Variants in JARID2 observed in about 807,000 individuals in gnomAD.
The protein encoded by JARID2 is jumonji and AT-rich interaction domain containing 2.
JARID2 carries 21 observed loss-of-function variants against 125.6 expected under a neutral mutation model. That is an observed-to-expected ratio of 0.17 (90% CI 0.12 to 0.24). The LOEUF is 0.24. Among genes scored for constraint, JARID2 ranks in the 10% least tolerant of loss-of-function variants. JARID2 has a pLI of 1.00. For synonymous variants in JARID2, 736 were observed against 661.6 expected, an observed-to-expected ratio of 1.11 and a Z score of -1.73; for missense variants, 1,303 against 1,639.6, an observed-to-expected ratio of 0.79 and a Z score of 3.55.
chr6:15,352,979 A>G (rs1763482099), intron 1 of JARID2, among the ~76,000 whole-genome samples: 1 of 152,158 alleles, frequency 6.6e-6, no homozygotes, highest in Admixed American at 6.5e-5. Context: ...GGTGGTTTCC[A>G]TGTTATCGTC....
chr6:15,419,642 T>C (rs1766396451), intron 3 of JARID2, among the ~76,000 whole-genome samples: 2 of 152,240 alleles, frequency 1.3e-5, no homozygotes, highest in Non-Finnish European at 2.9e-5. Context: ...TTCTTATAGA[T>C]ATTTTTGCTG....
At chr6:15,272,846 A>G (rs1019771486) in intron 1 of JARID2, among the ~76,000 whole-genome samples, 2 of 152,096 alleles carry the variant, frequency 1.3e-5, no homozygotes, top group Non-Finnish European at 2.9e-5. Flanking sequence ...TATACATTTT[A>G]TTTGTTGTTA....
intron 1 of JARID2, among the ~76,000 whole-genome samples, chr6:15,360,309 C>G (rs1480918066): frequency 6.6e-6 from 1 of 151,964 alleles, no homozygotes; most frequent in Admixed American, 6.5e-5. Flanking sequence ...CTCAGCCTCC[C>G]AAATAGCTGG....
At chr6:15,456,724 A>G (rs1487702111) in intron 4 of JARID2, among the ~76,000 whole-genome samples, 4 of 152,078 alleles carry the variant, frequency 2.6e-5, no homozygotes, top group Non-Finnish European at 4.4e-5. Flanking sequence ...CATCTTTTCT[A>G]TCTAGGATAT....
chr6:15,248,446 G>GGCGGGGGCGGGGGCGGGA (rs1417983526), intron 1 of JARID2: 1 of 139,034 alleles, frequency 7.2e-6, no homozygotes, highest in African/African-American at 2.6e-5. Context: ...TGGGAGCGGG[G>GGCGGGGGCGGGGGCGGGA]GCGGGGGCGT....
intron 1 of JARID2, among the ~76,000 whole-genome samples, chr6:15,331,983 A>G (rs1762726099): frequency 6.6e-6 from 1 of 152,186 alleles, no homozygotes; most frequent in Admixed American, 6.5e-5. Flanking sequence ...TCTGTTTGAT[A>G]TTTGTGAGCA....
intron 1 of JARID2, among the ~76,000 whole-genome samples, chr6:15,366,290 T>C (rs1396716293): frequency 6.6e-6 from 1 of 152,122 alleles, no homozygotes; most frequent in Non-Finnish European, 1.5e-5. Flanking sequence ...ATCAATCCTT[T>C]CCTTGTCCAT....
intron 16 of JARID2, 52 bp downstream of exon 16, chr6:15,513,474 A>T: frequency 6.6e-7 from 1 of 1,518,624 alleles, no homozygotes; most frequent in Non-Finnish European, 8.9e-7. Flanking sequence ...TTGGCCTGAG[A>T]GCTCCGGGGT....
chr6:15,367,228 A>G (rs1363064065), intron 1 of JARID2, among the ~76,000 whole-genome samples: 1 of 152,222 alleles, frequency 6.6e-6, no homozygotes, highest in Non-Finnish European at 1.5e-5. Flanking sequence ...ATTGTCAGAA[A>G]ATTGATTTTT....
intron 6 of JARID2, among the ~76,000 whole-genome samples, chr6:15,493,612 T>G (rs935666114): frequency 1.3e-5 from 2 of 152,144 alleles, no homozygotes; most frequent in African/African-American, 2.4e-5. Context: ...GAACCTGAGA[T>G]AGAGCCCTTC....
At chr6:15,285,569 A>G (rs1216440504) in intron 1 of JARID2, among the ~76,000 whole-genome samples, 1 of 152,116 alleles carries the variant, frequency 6.6e-6, no homozygotes, top group Non-Finnish European at 1.5e-5. Flanking sequence ...AAATACATAT[A>G]TATATATATA....
chr6:15,372,420 G>A (rs887343088), intron 1 of JARID2, among the ~76,000 whole-genome samples: 34 of 151,974 alleles, frequency 2.2e-4, no homozygotes, highest in Admixed American at 1.2e-3. Flanking sequence ...GTGCAGTGGC[G>A]TGATCTTGGC....
At chr6:15,300,057 A>G (rs1049273704) in intron 1 of JARID2, among the ~76,000 whole-genome samples, 5 of 152,198 alleles carry the variant, frequency 3.3e-5, no homozygotes, top group Admixed American at 6.5e-5. Flanking sequence ...ATGGAATGCC[A>G]TGTATGCTCA....
intron 8 of JARID2, 38 bp downstream of exon 8, chr6:15,501,447 G>C (rs749206985): frequency 1.3e-6 from 2 of 1,508,530 alleles, no homozygotes; most frequent in Non-Finnish European, 1.8e-6. Context: ...CCAGCTGCAG[G>C]AGTGCGGGAG....
intron 1 of JARID2, among the ~76,000 whole-genome samples, chr6:15,261,947 A>AT (rs1324041202): frequency 6.6e-6 from 1 of 151,656 alleles, no homozygotes; most frequent in Non-Finnish European, 1.5e-5. Flanking sequence ...TGCCCGGCTA[A>AT]TTTTTTGTAT....
At chr6:15,278,329 G>C (rs1441134564) in intron 1 of JARID2, among the ~76,000 whole-genome samples, 3 of 152,170 alleles carry the variant, frequency 2.0e-5, no homozygotes, top group East Asian at 3.9e-4. Context: ...CCTCATGCCT[G>C]TAATCCCAGC....
chr6:15,261,510 G>T (rs1023915000), intron 1 of JARID2, among the ~76,000 whole-genome samples: 1 of 151,768 alleles, frequency 6.6e-6, no homozygotes, highest in Non-Finnish European at 1.5e-5. Context: ...TAGAGACAGG[G>T]TTTCACCATG....
chr6:15,421,412 A>T (rs1397317719), intron 3 of JARID2, among the ~76,000 whole-genome samples: 1 of 135,476 alleles, frequency 7.4e-6, no homozygotes, highest in Non-Finnish European at 1.6e-5. Flanking sequence ...GTTAGTCTTT[A>T]AAAAAAAAAA....
intron 1 of JARID2, among the ~76,000 whole-genome samples, chr6:15,363,695 TGA>T (rs1763876743): frequency 1.3e-5 from 2 of 152,174 alleles, no homozygotes; most frequent in South Asian, 4.1e-4. Context: ...GTATGCTAGT[TGA>T]AAAATGTGGA....
Sources: allele counts gnomAD v4.1 joint callset (sites outside exome capture counted in the v4.1 genomes callset), GRCh38; gene constraint gnomAD v4.1.1; transcripts MANE v1.5; gene names NCBI Gene and HGNC (gene_info 2026-07-23, HGNC 2026-07-21).